Variants in CLEC12A observed in about 807,000 individuals in gnomAD.
The protein encoded by CLEC12A is C-type lectin protein CLL-1.
In CLEC12A, 22 loss-of-function variants were observed where a neutral mutation model predicts 26.5. The observed-to-expected ratio is 0.83, with a 90% CI of 0.59 to 1.19. The LOEUF (loss-of-function observed/expected upper bound fraction) is 1.19. Ranked by LOEUF, CLEC12A falls within the 50% of genes most tolerant of loss-of-function variation. The probability of loss-of-function intolerance (pLI) is 0.00; values close to 1 mark genes in which losing one functional copy is unlikely to be tolerated. For synonymous variants in CLEC12A, 119 were observed against 101.9 expected (o/e 1.17, Z -1.01); for missense variants, 353 against 315.6 (o/e 1.12, Z -0.90).
the CLEC12A span, among the ~76,000 whole-genome samples, chr12:10,002,603 C>T: frequency 9.9e-5 from 15 of 151,552 alleles, no homozygotes; most frequent in South Asian, 2.7e-3. Flanking sequence ...CCACCACGGC[C>T]GGCTAATTTT....
the CLEC12A span, among the ~76,000 whole-genome samples, chr12:10,005,394 T>C: frequency 6.6e-6 from 1 of 152,216 alleles, no homozygotes; most frequent in Non-Finnish European, 1.5e-5. Context: ...TTGTTTAAGC[T>C]TCACTGTCAG....
intron 4 of CLEC12A, 69 bp from the exon 5 acceptor site, chr12:9,981,951 A>G: frequency 1.3e-6 from 1 of 756,946 alleles, no homozygotes; most frequent in Non-Finnish European, 2.2e-6. Flanking sequence ...TTTGTAAGAA[A>G]TTACATTATA....
the CLEC12A span, among the ~76,000 whole-genome samples, chr12:10,004,265 C>T: frequency 3.9e-5 from 6 of 152,342 alleles, no homozygotes; most frequent in East Asian, 9.6e-4. Context: ...GGCCTTTTCT[C>T]AAGGGCAGAG....
chr12:9,972,517 A>T (rs1237671464), intron 1 of CLEC12A, among the ~76,000 whole-genome samples: 1 of 152,176 alleles, frequency 6.6e-6, no homozygotes, highest in East Asian at 1.9e-4. Context: ...AGTGTATTTG[A>T]GTTAAAAATA....
chr12:9,995,761 C>T (rs776570835), downstream of CLEC12A: 14 of 194,510 alleles, frequency 7.2e-5, no homozygotes, highest in Admixed American at 3.2e-4. Context: ...TTATAAATAA[C>T]GTACATCTAC....
At chr12:9,952,124 T>C (rs1351484470) in intron 1 of CLEC12A, 2 of 117,674 alleles carry the variant, frequency 1.7e-5, no homozygotes, top group Non-Finnish European at 3.5e-5. Context: ...GCGCTCTCCC[T>C]CTCCCTCTCC....
upstream of CLEC12A, among the ~76,000 whole-genome samples, chr12:9,969,778 G>C (rs640817): frequency 0.56 from 84,419 of 151,960 alleles, 23,750 homozygotes; most frequent in South Asian, 0.69. Flanking sequence ...AGGAAAAATA[G>C]AGGGCTACTC....
chr12:9,972,811 GT>G (rs1864181061), intron 1 of CLEC12A, among the ~76,000 whole-genome samples: 4 of 152,020 alleles, frequency 2.6e-5, no homozygotes, highest in Non-Finnish European at 4.4e-5. Context: ...AAGAAGAAGG[GT>G]TTAAGAATTT....
downstream of CLEC12A, among the ~76,000 whole-genome samples, chr12:9,987,247 T>C (rs944700055): frequency 1.3e-5 from 2 of 152,162 alleles, no homozygotes; most frequent in African/African-American, 4.8e-5. Context: ...TCTCCTAATA[T>C]CCCCAGGTAG....
intron 1 of CLEC12A, among the ~76,000 whole-genome samples, chr12:9,976,803 G>A (rs1864354569): frequency 6.6e-6 from 1 of 152,116 alleles, no homozygotes; most frequent in African/African-American, 2.4e-5. Context: ...GGGACCTCGT[G>A]GGAGGTAATT....
intron 1 of CLEC12A, among the ~76,000 whole-genome samples, chr12:9,958,707 G>A (rs1186681242): frequency 6.6e-6 from 1 of 152,182 alleles, no homozygotes; most frequent in Non-Finnish European, 1.5e-5. Context: ...GACCAGATTA[G>A]GATTAAACAA....
exon 5 of CLEC12A, chr12:9,995,034 C>T: frequency 5.7e-6 from 9 of 1,582,478 alleles, no homozygotes; most frequent in African/African-American, 1.3e-5. Flanking sequence ...AGTGACCCAG[C>T]TGCTGCTTCT....
the CLEC12A span, among the ~76,000 whole-genome samples, chr12:10,001,555 C>A: frequency 1.1e-4 from 16 of 152,332 alleles, no homozygotes; most frequent in Non-Finnish European, 2.2e-4. Context: ...TAGAAGCAAG[C>A]TGAGCGAAGA....
the CLEC12A span, among the ~76,000 whole-genome samples, chr12:10,002,761 C>A: frequency 6.6e-6 from 1 of 152,164 alleles, no homozygotes; most frequent in Admixed American, 6.5e-5. Flanking sequence ...ACTTTTTAAT[C>A]ATTACACTTC....
intron 4 of CLEC12A, among the ~76,000 whole-genome samples, chr12:9,981,053 G>C (rs1034992929): frequency 6.6e-6 from 1 of 152,084 alleles, no homozygotes; most frequent in Non-Finnish European, 1.5e-5. Flanking sequence ...AAAAACAGAG[G>C]ATACAGAGAT....
the CLEC12A span, among the ~76,000 whole-genome samples, chr12:10,002,505 C>G: frequency 2.3e-5 from 1 of 42,728 alleles, no homozygotes; most frequent in East Asian, 4.0e-4. Flanking sequence ...TGCAGTGGCG[C>G]GATCTCGGCT....
downstream of CLEC12A, among the ~76,000 whole-genome samples, chr12:9,986,726 G>A (rs541594071): frequency 2.6e-5 from 4 of 152,228 alleles, no homozygotes; most frequent in African/African-American, 4.8e-5. Flanking sequence ...CAGGAGAATC[G>A]CTTGAACCCG....
chr12:9,979,316 G>C lies in CLEC12A; in HGVS notation c.191-20G>C. 2 of 1,529,966 alleles carry C rather than the reference G, an allele frequency of 1.3e-6. No individual in the cohort carries two copies. The highest frequency in any genetic ancestry group is 8.9e-7 in the Non-Finnish European group (1 of 1,125,508). 94.8% of individuals were successfully genotyped at this position (1,529,966 alleles called of 1,614,324 possible). A position where few individuals can be genotyped will look rare whatever the true frequency, so the allele number is the denominator to read the frequency against. ...CTCTATTGAGAATTTACAATTTTTT[G>C]TCATTTTTTTAATGTGGAGTTCACG... On this transcript the variant is annotated intron_variant, in intron 2 of 5. Transcript: ENST00000304361.
At chr12:9,975,969 A>C (rs1439276564) in intron 1 of CLEC12A, among the ~76,000 whole-genome samples, 1 of 152,180 alleles carries the variant, frequency 6.6e-6, no homozygotes, top group Non-Finnish European at 1.5e-5. Flanking sequence ...GGTAGCTTCC[A>C]TGTGGTGTTG....
Sources: allele counts gnomAD v4.1 joint callset (sites outside exome capture counted in the v4.1 genomes callset), GRCh38; gene constraint gnomAD v4.1.1; transcripts MANE v1.5; gene names NCBI Gene and HGNC (gene_info 2026-07-23, HGNC 2026-07-21).